CRISP1: variants seen among roughly 807,000 people sequenced by gnomAD.
The protein encoded by CRISP1 is cysteine rich secretory protein 1, also known as cysteine-rich secretory protein 1.
Under a neutral mutation model 33.1 loss-of-function variants are expected in CRISP1, and 44 were observed. The observed-to-expected ratio is 1.33, with a 90% confidence interval of 1.05 to 1.71. The LOEUF is 1.71. Ranked by LOEUF, CRISP1 falls within the 40% of genes most tolerant of loss-of-function variation. The pLI is 0.00. For synonymous variants in CRISP1, 103 were observed against 98.7 expected (o/e 1.04, Z -0.26); for missense variants, 390 against 301.2 (o/e 1.29, Z -2.18).
chr6:49,853,844 A>C (rs1049756228), intron 2 of CRISP1, among the ~76,000 whole-genome samples: 1 of 152,180 alleles, frequency 6.6e-6, no homozygotes, highest in African/African-American at 2.4e-5. Context: ...GATGAGACTG[A>C]CAATTCTCCT....
At chr6:49,858,694 G>A (rs1305292353) in intron 1 of CRISP1, among the ~76,000 whole-genome samples, 1 of 151,984 alleles carries the variant, frequency 6.6e-6, no homozygotes, top group African/African-American at 2.4e-5. Flanking sequence ...GTAATATGGT[G>A]ACACAGATGA....
intron 1 of CRISP1, among the ~76,000 whole-genome samples, chr6:49,860,946 A>T (rs1399874838): frequency 6.6e-6 from 1 of 152,126 alleles, no homozygotes; most frequent in East Asian, 1.9e-4. Context: ...AATACAGAAG[A>T]CCACAAGACA....
chr6:49,836,024 C>A (rs1461063124), intron 7 of CRISP1, among the ~76,000 whole-genome samples: 1 of 152,136 alleles, frequency 6.6e-6, no homozygotes, highest in Non-Finnish European at 1.5e-5. Context: ...ACGAAATTCT[C>A]CAATCAGTAT....
In CRISP1 at chr6:49,876,836, A is replaced by C. The variant is rs141323923; in HGVS notation, c.-3+173T>G. ...ACTTGTAAGTGGTTGCTGAATGATG[A>C]GAATGCATGGACACATGAGGGGGAA... On this transcript the variant is annotated intron_variant, in intron 1 of 7. Coordinates refer to the CRISP1 transcript ENST00000505118. 7.0e-3 allele frequency among the ~76,000 whole-genome samples: 1,071 copies of C among 152,116 alleles called. 16 individuals are homozygous for C. Among genetic ancestry groups the C allele is most frequent in the African/African-American group, 0.025 (1,042 of 41,518 alleles).
At chr6:49,856,638 A>G (rs527673547) in intron 2 of CRISP1, among the ~76,000 whole-genome samples, 1 of 152,298 alleles carries the variant, frequency 6.6e-6, no homozygotes, top group Admixed American at 6.5e-5. Context: ...GCCTACGAAA[A>G]TATAAAAACC....
At chr6:49,871,922 G>C (rs1439854852) in intron 1 of CRISP1, among the ~76,000 whole-genome samples, 4 of 151,886 alleles carry the variant, frequency 2.6e-5, no homozygotes, top group African/African-American at 9.7e-5. Context: ...CCTAGTAATG[G>C]GATGGCTGGG....
At position 49,841,011 on chromosome 6, in the gene CRISP1, G is replaced by T. The variant is rs775199845; in HGVS notation, c.436-16C>A. 8 of 1,592,532 alleles carry T rather than the reference G, an allele frequency of 5.0e-6. 1 individual carries two copies. In the South Asian group the frequency reaches 8.8e-5, roughly 18 times the overall value. On this transcript the variant is annotated splice_polypyrimidine_tract_variant and intron_variant, in intron 5 of 7. Transcript: ENST00000335847. ...CCCAAACAATCTGCAATGATAAAGAGTTGTTTTATTACAGATTAAATATTT... is the reference window on the plus strand; with the variant it reads ...CCCAAACAATCTGCAATGATAAAGATTTGTTTTATTACAGATTAAATATTT...
intron 2 of CRISP1, 100 bp from the exon 3 acceptor site, chr6:49,852,229 T>A: frequency 1.9e-6 from 2 of 1,049,370 alleles, no homozygotes; most frequent in Non-Finnish European, 2.7e-6. Context: ...TAGTTTATAT[T>A]AAACAGTGAT....
rs1770746825 is a variant in CRISP1 at position 49,835,242 on chromosome 6, T to C, written c.*74A>G. 3.3e-6 allele frequency: 5 copies of C among 1,516,050 alleles called. No homozygotes were observed. The highest frequency in any genetic ancestry group is 1.2e-5 in the South Asian group (1 of 80,350). 93.9% of individuals were successfully genotyped at this position (1,516,050 alleles called of 1,614,324 possible). A position where few individuals can be genotyped will look rare whatever the true frequency, so the allele number is the denominator to read the frequency against. On this transcript the variant is annotated 3_prime_UTR_variant, in exon 8 of 8. Transcript: ENST00000335847. Reference sequence around the variant, plus strand: ...AAATTTAGCAGAAGCTACTGAACTATAGCAAAAGACATGAATCCAACAGAC... The same window carrying C: ...AAATTTAGCAGAAGCTACTGAACTACAGCAAAAGACATGAATCCAACAGAC...
At chr6:49,839,649 A>G (rs1770919801) in intron 6 of CRISP1, among the ~76,000 whole-genome samples, 1 of 152,212 alleles carries the variant, frequency 6.6e-6, no homozygotes, top group Non-Finnish European at 1.5e-5. Flanking sequence ...TCAGTAAGAG[A>G]TTTAATGAGA....
chr6:49,865,870 C>T (rs781080432), intron 1 of CRISP1, among the ~76,000 whole-genome samples: 4 of 152,062 alleles, frequency 2.6e-5, no homozygotes, highest in Non-Finnish European at 4.4e-5. Context: ...AAATCCTGCC[C>T]GCTGGGGCCC....
chr6:49,852,004 C>A lies in CRISP1; in HGVS notation c.192G>T (p.Lys64Asn). The change falls in exon 3 of 8, where the codon AAG becomes AAT. Residue 64 changes from lysine to asparagine, a missense_variant. Coordinates refer to ENST00000335847, the MANE Select transcript of CRISP1 (RefSeq NM_001131.3). ...TGTTGCTATTTTTTGATCTTACCAT[C>A]TTCAGCATGTTGCTGGCTGGTGGAA... ...RVVPPASNML[K>N]MSWSEEAAQN... is the part of the protein sequence containing the mutation. The A allele has an allele frequency of 6.2e-7, 1 of 1,607,204 alleles. No individual in the cohort carries two copies. Among genetic ancestry groups the A allele is most frequent in the Non-Finnish European group, 8.5e-7 (1 of 1,177,930 alleles).
In CRISP1 at chr6:49,846,645, G is replaced by A. The variant is rs762912611; in HGVS notation, c.310C>T (p.His104Tyr). 6.2e-7 allele frequency: 1 copy of A among 1,613,342 alleles called. No individual in the cohort carries two copies. Among genetic ancestry groups the A allele is most frequent in the Non-Finnish European group, 8.5e-7 (1 of 1,179,590 alleles). Reference sequence around the variant, plus strand: ...CATGATACAGGATAAGATGTCATATGCATATTTTCTCCACAAAAGGTATCT... The same window carrying A: ...CATGATACAGGATAAGATGTCATATACATATTTTCTCCACAAAAGGTATCT... ...LPNTFCGENM[H>Y]MTSYPVSWSS... Residue 104 changes from histidine to tyrosine, a missense_variant, in exon 5 of 8, where the codon CAT becomes TAT. Physicochemically the swap from His to Tyr is moderately conservative, Grantham distance 83 (BLOSUM62 2). Transcript: ENST00000335847.
At chr6:49,862,864 G>C (rs1771691621) in intron 1 of CRISP1, among the ~76,000 whole-genome samples, 1 of 150,038 alleles carries the variant, frequency 6.7e-6, no homozygotes, top group South Asian at 2.1e-4. Context: ...TTTTGCTTGA[G>C]GTCTAAAATA....
At chr6:49,844,434 G>A (rs1357042247) in intron 5 of CRISP1, among the ~76,000 whole-genome samples, 5 of 152,132 alleles carry the variant, frequency 3.3e-5, no homozygotes, top group Admixed American at 6.6e-5. Flanking sequence ...CAGAGATCAT[G>A]AGGGCTCCCA....
chr6:49,848,515 A>G (rs184566961), intron 3 of CRISP1, among the ~76,000 whole-genome samples: 3 of 152,304 alleles, frequency 2.0e-5, no homozygotes, highest in Admixed American at 2.0e-4. Context: ...AAAACTTGGT[A>G]ATTACATTCA....
chr6:49,847,618 C>A (rs28553529), intron 4 of CRISP1, among the ~76,000 whole-genome samples: 5,760 of 152,234 alleles, frequency 0.038, 369 homozygotes, highest in African/African-American at 0.13. Flanking sequence ...CTAATGAAAT[C>A]TCTTCTTAAT....
intron 1 of CRISP1, among the ~76,000 whole-genome samples, chr6:49,862,451 T>G (rs1190661991): frequency 6.6e-6 from 1 of 151,660 alleles, no homozygotes; most frequent in Middle Eastern, 3.2e-3. Context: ...TTACATATAG[T>G]TTTTTTTGTC....
chr6:49,843,153 C>A (rs1247900390), intron 5 of CRISP1, among the ~76,000 whole-genome samples: 1 of 152,110 alleles, frequency 6.6e-6, no homozygotes, highest in Non-Finnish European at 1.5e-5. Flanking sequence ...ATCCAGGCCA[C>A]AAATTTCTTA....
Sources: gnomAD v4.1 joint callset for allele counts (sites outside exome capture counted in the v4.1 genomes callset) on GRCh38, gnomAD v4.1.1 for gene constraint, MANE v1.5 for transcripts, NCBI Gene and HGNC (gene_info 2026-07-23, HGNC 2026-07-21) for gene names.